The following TMED10 variants were observed in gnomAD, a reference collection of about 807,000 sequenced individuals.
TMED10 encodes the protein transmembrane p24 trafficking protein 10.
TMED10 carries 7 observed loss-of-function variants against 23.1 expected under a neutral mutation model. That is an observed-to-expected ratio of 0.30 (90% CI 0.17 to 0.57). TMED10 has a LOEUF of 0.57. TMED10 is among the 20% of genes least tolerant of loss of function. The pLI, the probability that TMED10 is intolerant of heterozygous loss-of-function variation, is 0.91. For missense variants in TMED10, 162 were observed against 274.8 expected (o/e 0.59, Z 2.90); for synonymous variants, 113 against 106.9 (o/e 1.06, Z -0.35).
intron 3 of TMED10, among the ~76,000 whole-genome samples, chr14:75,144,220 G>GT (rs1441189001): frequency 6.6e-6 from 1 of 152,204 alleles, no homozygotes; most frequent in African/African-American, 2.4e-5. Context: ...TGCACAGACA[G>GT]TAAGTCCCTA....
Position 75,176,537 on chromosome 14 carries a change from G to A in TMED10, c.43C>T (p.Pro15Ser). Reference protein sequence around the residue: ...SGPPARRGPFPLALLLLFLLG... With the variant: ...SGPPARRGPFSLALLLLFLLG... ...AGGAACAAAAGCAGCAACGCTAACG[G>A]AAAAGGGCCGCGCCGGGCTGGTGGG... Residue 15 changes from proline to serine, a missense_variant, in exon 1 of 5, where the codon CCG becomes TCG. Pro to Ser is a moderately conservative substitution (Grantham distance 74). This residue lies in a region of TMED10 where 36 missense variants were observed against 35.2 expected (regional missense o/e 1.02). Coordinates refer to ENST00000303575, the MANE Select transcript of TMED10 (RefSeq NM_006827.6). 1 of 1,614,182 alleles carries A rather than the reference G, an allele frequency of 6.2e-7. No individual in the cohort carries two copies. Among genetic ancestry groups the A allele is most frequent in the Non-Finnish European group, 8.5e-7 (1 of 1,180,036 alleles).
At chr14:75,143,280 T>C (rs763235014) in intron 3 of TMED10, among the ~76,000 whole-genome samples, 1 of 152,168 alleles carries the variant, frequency 6.6e-6, no homozygotes, top group Non-Finnish European at 1.5e-5. Context: ...TACAAAGCCT[T>C]TTTCTGTATA....
At position 75,135,705 on chromosome 14, in the gene TMED10, G is replaced by A. The variant is rs1895740699; in HGVS notation, c.538+55C>T. On this transcript the variant is annotated intron_variant, in intron 4 of 4. Coordinates refer to ENST00000303575, the MANE Select transcript of TMED10 (RefSeq NM_006827.6). ...AAGGGTACACCAGAATTGAAAGTTT[G>A]GAGACTGTCTCATTTATGGGTCACT... 20 of 1,593,406 alleles carry A rather than the reference G, an allele frequency of 1.3e-5. No homozygotes were observed. In the South Asian group the frequency reaches 2.3e-4, roughly 18 times the overall value.
At chr14:75,154,497 GATA>G (rs957687823) in intron 1 of TMED10, among the ~76,000 whole-genome samples, 3 of 133,304 alleles carry the variant, frequency 2.3e-5, no homozygotes, top group Non-Finnish European at 3.2e-5. Flanking sequence ...GGAAAAAATT[GATA>G]ATAACTAAAG....
chr14:75,172,459 C>A (rs904575538), intron 1 of TMED10, among the ~76,000 whole-genome samples: 1 of 152,106 alleles, frequency 6.6e-6, no homozygotes, highest in Non-Finnish European at 1.5e-5. Context: ...ATGTGTGCCA[C>A]CACGCCCAGC....
intron 1 of TMED10, among the ~76,000 whole-genome samples, chr14:75,164,270 T>C (rs1896121775): frequency 6.8e-6 from 1 of 146,318 alleles, no homozygotes; most frequent in African/African-American, 2.5e-5. Flanking sequence ...TTTGCACTGT[T>C]GCTCAGGCTG....
At chr14:75,148,253 T>TA (rs973060486) in intron 2 of TMED10, among the ~76,000 whole-genome samples, 3 of 152,158 alleles carry the variant, frequency 2.0e-5, no homozygotes, top group African/African-American at 7.2e-5. Flanking sequence ...TTACTTAATA[T>TA]AAATCTGAGT....
intron 1 of TMED10, among the ~76,000 whole-genome samples, chr14:75,173,854 C>T (rs1896266682): frequency 6.6e-6 from 1 of 152,160 alleles, no homozygotes; most frequent in African/African-American, 2.4e-5. Context: ...CCTCAGCCTC[C>T]CGGGTAGCTG....
At chr14:75,173,142 T>C (rs1490302888) in intron 1 of TMED10, among the ~76,000 whole-genome samples, 2 of 152,200 alleles carry the variant, frequency 1.3e-5, no homozygotes, top group East Asian at 1.9e-4. Context: ...TCCGAGCACT[T>C]TGGGAGGCCG....
intron 1 of TMED10, among the ~76,000 whole-genome samples, chr14:75,172,525 G>C (rs1896247332): frequency 6.6e-6 from 1 of 152,026 alleles, no homozygotes; most frequent in South Asian, 2.1e-4. Flanking sequence ...GGTCAGGCTG[G>C]TCTCGAACTC....
At chr14:75,165,245 T>A (rs894307032) in intron 1 of TMED10, among the ~76,000 whole-genome samples, 17 of 152,200 alleles carry the variant, frequency 1.1e-4, no homozygotes, top group African/African-American at 4.1e-4. Context: ...CTTTCTTTTT[T>A]TTTAGACAGT....
intron 3 of TMED10, among the ~76,000 whole-genome samples, chr14:75,141,313 G>A (rs1895819856): frequency 6.6e-6 from 1 of 152,128 alleles, no homozygotes; most frequent in African/African-American, 2.4e-5. Context: ...ACTACGAATA[G>A]TCTAGACATA....
chr14:75,147,185 G>GTTTTTTTTTTGTTTTTTTTTT (rs1491353231), intron 3 of TMED10, among the ~76,000 whole-genome samples: 7 of 116,632 alleles, frequency 6.0e-5, no homozygotes, highest in African/African-American at 2.7e-4. Flanking sequence ...CTTCAAGGCT[G>GTTTTTTTTTTGTTTTTTTTTT]TTTTTTTTTT....
At chr14:75,166,318 G>C (rs1273849309) in intron 1 of TMED10, among the ~76,000 whole-genome samples, 1 of 152,194 alleles carries the variant, frequency 6.6e-6, no homozygotes, top group East Asian at 1.9e-4. Context: ...TCTGTGGCCA[G>C]CTGGCTGATT....
At chr14:75,158,099 C>T (rs1401690169) in intron 1 of TMED10, among the ~76,000 whole-genome samples, 1 of 152,184 alleles carries the variant, frequency 6.6e-6, no homozygotes, top group Non-Finnish European at 1.5e-5. Context: ...AGAATCTTTG[C>T]ATCAGTGCAA....
At chr14:75,161,880 C>G (rs1326255863) in intron 1 of TMED10, among the ~76,000 whole-genome samples, 1 of 151,404 alleles carries the variant, frequency 6.6e-6, no homozygotes, top group African/African-American at 2.4e-5. Context: ...TCCACCCAGA[C>G]TTAATTCCCT....
intron 2 of TMED10, 152 bp downstream of exon 2, chr14:75,151,880 T>A: frequency 1.5e-6 from 1 of 650,364 alleles, no homozygotes; most frequent in Non-Finnish European, 2.5e-6. Flanking sequence ...GTCGACCTTT[T>A]AAAAGGTGCT....
chr14:75,173,784 G>A (rs1896265702), intron 1 of TMED10, among the ~76,000 whole-genome samples: 1 of 152,180 alleles, frequency 6.6e-6, no homozygotes, highest in African/African-American at 2.4e-5. Context: ...AGGCTGGAGT[G>A]CAGTGGCACG....
intron 3 of TMED10, among the ~76,000 whole-genome samples, chr14:75,140,560 T>A (rs1351052830): frequency 6.6e-6 from 1 of 152,036 alleles, no homozygotes; most frequent in Non-Finnish European, 1.5e-5. Flanking sequence ...TTACAAAAAT[T>A]AGCTGGGCAT....
Sources: gnomAD v4.1 joint callset for allele counts (sites outside exome capture counted in the v4.1 genomes callset) on GRCh38, gnomAD v4.1.1 for gene constraint, gnomAD v4.1.1 regional missense constraint, MANE v1.5 for transcripts, NCBI Gene and HGNC (gene_info 2026-07-23, HGNC 2026-07-21) for gene names.